RSAD2: variants seen among roughly 807,000 people sequenced by gnomAD.
RSAD2 encodes radical S-adenosyl methionine domain containing 2.
Under a neutral mutation model 37.7 loss-of-function variants are expected in RSAD2, and 38 were observed. That is an observed-to-expected ratio of 1.01 (90% CI 0.78 to 1.32). The LOEUF is 1.32. Among genes scored for constraint, RSAD2 ranks in the 40% most tolerant of loss-of-function variants. The pLI, the probability that RSAD2 is intolerant of heterozygous loss-of-function variation, is 0.00. For synonymous variants in RSAD2, 163 were observed against 157.4 expected (o/e 1.04, Z -0.27); for missense variants, 428 against 437.5 (o/e 0.98, Z 0.19).
intron 2 of RSAD2, among the ~76,000 whole-genome samples, chr2:6,885,167 T>G (rs983776120): frequency 6.6e-6 from 1 of 152,000 alleles, no homozygotes; most frequent in Admixed American, 6.5e-5. Flanking sequence ...ATCACCAGAG[T>G]CCAGAGAGTC....
rs1040831546 is a variant in RSAD2, at chr2:6,897,727, C to G, written c.*1785C>G. On this transcript the variant is annotated 3_prime_UTR_variant, in exon 6 of 6. Coordinates refer to ENST00000382040, the MANE Select transcript of RSAD2 (RefSeq NM_080657.5). Reference sequence around the variant, plus strand: ...GTGCACTTTACTAATCCTCATGGCACAGTGGCTCACGCCTGTAATCCCAGC... The same window carrying G: ...GTGCACTTTACTAATCCTCATGGCAGAGTGGCTCACGCCTGTAATCCCAGC... 6.6e-6 allele frequency: 1 copy of G among 152,168 alleles called. No homozygotes were observed. The highest frequency in any genetic ancestry group is 6.5e-5 in the Admixed American group (1 of 15,280). The allele number at this position is 152,168 out of a possible 1,614,324, so 9.4% of individuals were successfully genotyped here.
chr2:6,875,438 C>G (rs1663265416), upstream of RSAD2, among the ~76,000 whole-genome samples: 1 of 152,170 alleles, frequency 6.6e-6, no homozygotes, highest in Non-Finnish European at 1.5e-5. Context: ...CATCCTTAAC[C>G]CCAGCATGCT....
chr2:6,871,706 G>T (rs1043862432), intron 1 of RSAD2, among the ~76,000 whole-genome samples: 16 of 152,074 alleles, frequency 1.1e-4, no homozygotes, highest in Admixed American at 3.9e-4. Context: ...GTATTTTTTT[G>T]TGTGTGTGCA....
Position 6,877,911 on chromosome 2 carries a change from A to G in RSAD2, c.111A>G (p.Ala37=). The G allele has an allele frequency of 1.2e-6, 2 of 1,614,092 alleles. No individual in the cohort carries two copies. Among genetic ancestry groups the G allele is most frequent in the Non-Finnish European group, 1.7e-6 (2 of 1,179,998 alleles). ...SLVPLFCWLR[A]TFWLLATKRR... ...TCCCGCTGTTCTGCTGGCTGAGGGCAACCTTCTGGCTGCTAGCTACCAAGA... is the reference window on the plus strand; with the variant it reads ...TCCCGCTGTTCTGCTGGCTGAGGGCGACCTTCTGGCTGCTAGCTACCAAGA... The change falls in exon 1 of 6, where the codon GCA becomes GCG. Residue 37 remains alanine, a synonymous_variant. Coordinates refer to ENST00000382040, the MANE Select transcript of RSAD2 (RefSeq NM_080657.5).
Position 6,883,441 on chromosome 2 carries a change from G to A in RSAD2, c.417G>A (p.Leu139=). 6.2e-7 allele frequency: 1 copy of A among 1,614,172 alleles called. No individual in the cohort carries two copies. Among genetic ancestry groups the A allele is most frequent in the Non-Finnish European group, 8.5e-7 (1 of 1,180,028 alleles). ...LQDRGEYLGK[L]VRFCKVELRL... is the part of the protein sequence containing the mutation. Reference sequence around the variant, plus strand: ...ACCGGGGAGAATACCTGGGCAAGTTGGTGAGGTTCTGCAAAGTAGAGTTGC... The same window carrying A: ...ACCGGGGAGAATACCTGGGCAAGTTAGTGAGGTTCTGCAAAGTAGAGTTGC... Residue 139 remains leucine (L), a synonymous_variant, in exon 2 of 6, where the codon TTG becomes TTA. Coordinates refer to ENST00000382040, the MANE Select transcript of RSAD2 (RefSeq NM_080657.5).
chr2:6,870,155 G>C (rs1425555712), intron 1 of RSAD2, among the ~76,000 whole-genome samples: 1 of 152,172 alleles, frequency 6.6e-6, no homozygotes, highest in Non-Finnish European at 1.5e-5. Context: ...CACACTGAAG[G>C]CTGGTGCAAA....
At chr2:6,895,723 G>A in intron 5 of RSAD2, 55 bp from the exon 6 acceptor site, 2 of 1,494,520 alleles carry the variant, frequency 1.3e-6, no homozygotes, top group Middle Eastern at 1.8e-4. Context: ...TCTAGATTGA[G>A]TTTTACAGGA....
At chr2:6,891,341 C>T (rs1365382054) in intron 4 of RSAD2, among the ~76,000 whole-genome samples, 1 of 152,122 alleles carries the variant, frequency 6.6e-6, no homozygotes, top group Non-Finnish European at 1.5e-5. Flanking sequence ...TTGCAACTTT[C>T]CTAGAAAACG....
intron 5 of RSAD2, 55 bp from the exon 6 acceptor site, chr2:6,895,723 G>C (rs2103250601): frequency 6.7e-7 from 1 of 1,494,520 alleles, no homozygotes; most frequent in Non-Finnish European, 9.2e-7. Context: ...TCTAGATTGA[G>C]TTTTACAGGA....
At chr2:6,872,776 T>G (rs1001154859) in intron 1 of RSAD2, among the ~76,000 whole-genome samples, 32 of 152,194 alleles carry the variant, frequency 2.1e-4, no homozygotes, top group African/African-American at 6.3e-4. Flanking sequence ...ATATGAGTCT[T>G]TCTCAGGATT....
chr2:6,890,455 G>A (rs1663608019), intron 4 of RSAD2, 130 bp downstream of exon 4: 2 of 981,414 alleles, frequency 2.0e-6, no homozygotes, highest in Admixed American at 2.5e-5. Flanking sequence ...TGGGAGGAAT[G>A]CCATGTCAGG....
chr2:6,866,711 A>C (rs1410694476), intron 1 of RSAD2: 2 of 152,430 alleles, frequency 1.3e-5, no homozygotes, highest in Non-Finnish European at 2.9e-5. Flanking sequence ...CCTTTTAAAA[A>C]TGATGTCAAG....
At chr2:6,870,470 C>A (rs1663183733) in intron 1 of RSAD2, among the ~76,000 whole-genome samples, 1 of 152,176 alleles carries the variant, frequency 6.6e-6, no homozygotes. Context: ...TCGAGAGGTC[C>A]TCTGGTAAGT....
chr2:6,884,647 G>A (rs1172056387), intron 2 of RSAD2, among the ~76,000 whole-genome samples: 2 of 152,172 alleles, frequency 1.3e-5, no homozygotes, highest in Non-Finnish European at 2.9e-5. Context: ...AGGCTTGTGG[G>A]AGAAAGTGGT....
In RSAD2 at chr2:6,878,986, A is replaced by G. The variant is rs56324932; in HGVS notation, c.346+840A>G. ...AGCCAGGTAAATAGCCTGCAGATTC[A>G]GAGAGAAAGCATCACCAGCGCCAGA... On this transcript the variant is annotated intron_variant, in intron 1 of 5. Transcript: ENST00000382040. 4.4e-3 allele frequency: 2,284 copies of G among 523,096 alleles called. 41 individuals are homozygous for G. Among genetic ancestry groups the G allele is most frequent in the African/African-American group, 0.04 (2,073 of 51,558 alleles). The allele number at this position is 523,096 out of a possible 1,614,324, so 32.4% of individuals were successfully genotyped here.
At chr2:6,870,888 CT>C (rs1663191917) in intron 1 of RSAD2, among the ~76,000 whole-genome samples, 2 of 152,206 alleles carry the variant, frequency 1.3e-5, no homozygotes, top group Non-Finnish European at 2.9e-5. Context: ...CCTTCTGGCA[CT>C]CCAGCTGGAT....
In RSAD2 at chr2:6,897,213, G is replaced by T. The variant is rs1663795019; in HGVS notation, c.*1271G>T. 1.3e-5 allele frequency: 2 copies of T among 152,132 alleles called. No individual in the cohort carries two copies. The highest frequency in any genetic ancestry group is 1.3e-4 in the Admixed American group (2 of 15,264). 9.4% of individuals were successfully genotyped at this position (152,132 alleles called of 1,614,324 possible). ...GTGGAAATATCCCATGCAGTTTGTT[G>T]ATACAACTTAGTATCTTATTGCCTA... On this transcript the variant is annotated 3_prime_UTR_variant, in exon 6 of 6. Transcript: ENST00000382040.
At chr2:6,890,690 C>T (rs905018814) in intron 4 of RSAD2, among the ~76,000 whole-genome samples, 20 of 152,152 alleles carry the variant, frequency 1.3e-4, no homozygotes, top group Non-Finnish European at 1.8e-4. Context: ...AACTAACGAA[C>T]GCCACTCTGT....
chr2:6,871,364 CTAT>C, intron 1 of RSAD2, among the ~76,000 whole-genome samples: 1 of 152,230 alleles, frequency 6.6e-6, no homozygotes. Flanking sequence ...AGGTTCTAAA[CTAT>C]TTCTCTAGAC....
Sources: gnomAD v4.1 joint callset for allele counts (sites outside exome capture counted in the v4.1 genomes callset) on GRCh38, gnomAD v4.1.1 for gene constraint, MANE v1.5 for transcripts, NCBI Gene and HGNC (gene_info 2026-07-23, HGNC 2026-07-21) for gene names.